PCSK5: variants seen among roughly 807,000 people sequenced by gnomAD.
The protein encoded by PCSK5 is proprotein convertase subtilisin/kexin type 5.
PCSK5 carries 129 observed loss-of-function variants against 233.2 expected under a neutral mutation model. The observed-to-expected ratio is 0.55, with a 90% CI of 0.48 to 0.64. PCSK5 has a LOEUF of 0.64. PCSK5 is among the 30% of genes least tolerant of loss of function. PCSK5 has a pLI of 0.00. For missense variants in PCSK5, 2,076 were observed against 2,430.1 expected (o/e 0.85, Z 3.06); for synonymous variants, 825 against 879.2 (o/e 0.94, Z 1.09).
chr9:76,295,172 C>T (rs759856003), intron 25 of PCSK5, 103 bp from the exon 26 acceptor site: 39 of 1,083,202 alleles, frequency 3.6e-5, no homozygotes, highest in South Asian at 2.0e-4. Context: ...CAAAACAAAA[C>T]GAAACAAAAA....
rs563266576 is a variant in PCSK5, at chr9:75,942,047, G to A, written c.297+9564G>A. ...TCACTTCAAAAGGTCATAAACTCAC[G>A]TGCCTTGAGTGGTAGTGCAGGTAAC... On this transcript the variant is annotated intron_variant, in intron 2 of 37. Transcript: ENST00000674117. 6.6e-5 allele frequency among the ~76,000 whole-genome samples: 10 copies of A among 152,340 alleles called. No homozygotes were observed. In the East Asian group the frequency reaches 1.2e-3, roughly 18 times the overall value.
chr9:76,037,277 T>C (rs567609182), intron 5 of PCSK5, among the ~76,000 whole-genome samples: 2 of 152,302 alleles, frequency 1.3e-5, no homozygotes, highest in African/African-American at 4.8e-5. Flanking sequence ...ACATTTGGTC[T>C]GTTGGAGAAT....
At chr9:76,022,533 T>C (rs918467251) in intron 3 of PCSK5, among the ~76,000 whole-genome samples, 3 of 152,188 alleles carry the variant, frequency 2.0e-5, no homozygotes, top group Admixed American at 6.5e-5. Context: ...ACAGCTCTCC[T>C]CTTTTGTTCC....
At chr9:76,226,687 C>T (rs1825903658) in intron 20 of PCSK5, among the ~76,000 whole-genome samples, 1 of 152,080 alleles carries the variant, frequency 6.6e-6, no homozygotes, top group African/African-American at 2.4e-5. Context: ...GTGGATCTGA[C>T]CAAAGAAGCC....
chr9:76,101,521 C>G (rs1259303592), intron 8 of PCSK5, among the ~76,000 whole-genome samples: 1 of 152,228 alleles, frequency 6.6e-6, no homozygotes, highest in Non-Finnish European at 1.5e-5. Context: ...GCTCCCCTTT[C>G]TTTCCAGTCC....
At chr9:76,238,084 G>C (rs1826306929) in intron 22 of PCSK5, among the ~76,000 whole-genome samples, 1 of 152,186 alleles carries the variant, frequency 6.6e-6, no homozygotes, top group African/African-American at 2.4e-5. Context: ...GCTCTTCAGA[G>C]GCAGGGACAT....
chr9:76,042,846 A>G (rs1174271997), intron 5 of PCSK5, among the ~76,000 whole-genome samples: 1 of 152,198 alleles, frequency 6.6e-6, no homozygotes. Context: ...GATGTTTTTA[A>G]TGAACGTGCA....
chr9:76,345,510 C>T (rs1354759034), intron 35 of PCSK5, among the ~76,000 whole-genome samples: 1 of 152,154 alleles, frequency 6.6e-6, no homozygotes, highest in Non-Finnish European at 1.5e-5. Flanking sequence ...GCTCTGCCTC[C>T]CGGGTTCACG....
intron 37 of PCSK5, among the ~76,000 whole-genome samples, chr9:76,354,779 T>G (rs1314682375): frequency 6.6e-6 from 1 of 151,812 alleles, no homozygotes; most frequent in African/African-American, 2.4e-5. Flanking sequence ...GCTGTCTAAA[T>G]TTTTTTTTAA....
intron 9 of PCSK5, among the ~76,000 whole-genome samples, chr9:76,112,987 C>T (rs534565911): frequency 5.3e-5 from 8 of 152,232 alleles, no homozygotes; most frequent in East Asian, 1.9e-4. Context: ...TAAATTAATT[C>T]GTCTAGTCCA....
intron 1 of PCSK5, among the ~76,000 whole-genome samples, chr9:75,908,587 TG>T (rs1822512945): frequency 6.6e-6 from 1 of 152,178 alleles, no homozygotes; most frequent in Non-Finnish European, 1.5e-5. Context: ...CTAACTATTT[TG>T]CCATTCTGTG....
chr9:75,966,134 G>A (rs571465351), intron 2 of PCSK5, among the ~76,000 whole-genome samples: 26 of 152,238 alleles, frequency 1.7e-4, no homozygotes, highest in African/African-American at 6.0e-4. Flanking sequence ...GTGTCTCTAG[G>A]AATCACTCTG....
chr9:76,280,424 A>C (rs1403195074), intron 24 of PCSK5, among the ~76,000 whole-genome samples: 1 of 152,184 alleles, frequency 6.6e-6, no homozygotes, highest in Admixed American at 6.5e-5. Flanking sequence ...AAATTGATTA[A>C]GCTTAGTGAG....
intron 5 of PCSK5, among the ~76,000 whole-genome samples, chr9:76,059,705 G>C (rs533957869): frequency 1.2e-3 from 178 of 152,168 alleles, no homozygotes; most frequent in Non-Finnish European, 2.0e-3. Flanking sequence ...AGAGAGTATA[G>C]CTGAAAATTC....
intron 2 of PCSK5, among the ~76,000 whole-genome samples, chr9:75,978,014 A>G (rs1344604502): frequency 1.3e-5 from 2 of 152,290 alleles, no homozygotes; most frequent in Non-Finnish European, 2.9e-5. Context: ...ATATTTTTAC[A>G]TGTTGTTCAT....
chr9:76,049,291 T>C (rs1829539078), intron 5 of PCSK5, among the ~76,000 whole-genome samples: 1 of 152,150 alleles, frequency 6.6e-6, no homozygotes. Context: ...ATGGTGTATA[T>C]GCTAAAATGT....
intron 24 of PCSK5, among the ~76,000 whole-genome samples, chr9:76,274,488 C>A (rs1163616017): frequency 6.6e-6 from 1 of 151,570 alleles, no homozygotes; most frequent in Non-Finnish European, 1.5e-5. Flanking sequence ...AAACTGTGAC[C>A]ATTTTCCTTG....
At chr9:76,239,212 G>A in intron 23 of PCSK5, 47 bp downstream of exon 23, 1 of 1,456,774 alleles carries the variant, frequency 6.9e-7, no homozygotes, top group South Asian at 1.2e-5. Flanking sequence ...CATGGGAGGA[G>A]GGGCTGCACC....
chr9:76,293,715 CG>C (rs2131410053), intron 25 of PCSK5, among the ~76,000 whole-genome samples: 1 of 152,300 alleles, frequency 6.6e-6, no homozygotes, highest in South Asian at 2.1e-4. Flanking sequence ...CAAACCTGGC[CG>C]CCTCTTCAGC....
Sources: allele counts gnomAD v4.1 joint callset (sites outside exome capture counted in the v4.1 genomes callset), GRCh38; gene constraint gnomAD v4.1.1; transcripts MANE v1.5; gene names NCBI Gene and HGNC (gene_info 2026-07-23, HGNC 2026-07-21).